The following NEB variants were observed in gnomAD, a reference collection of about 807,000 sequenced individuals.
The protein encoded by NEB is nemaline myopathy type 2.
A neutral mutation model predicts 952.2 loss-of-function variants in NEB; 512 were observed. That is an observed-to-expected ratio of 0.54 (90% CI 0.50 to 0.58). The LOEUF is 0.58. NEB is among the 20% of genes least tolerant of loss of function. The probability of loss-of-function intolerance (pLI) is 0.00; values close to 1 mark genes in which losing one functional copy is unlikely to be tolerated. For missense variants in NEB, 8,428 were observed against 9,231.1 expected (o/e 0.91, Z 3.56); for synonymous variants, 2,900 against 3,149.8 (o/e 0.92, Z 2.66).
chr2:151,538,380 A>G, intron 138 of NEB, 136 bp from the exon 139 acceptor site: 1 of 637,826 alleles, frequency 1.6e-6, no homozygotes, highest in Non-Finnish European at 2.7e-6. Flanking sequence ...AGCTTATTTC[A>G]GACCCTAGAA....
chr2:151,727,637 A>G lies in NEB; in HGVS notation c.294+54T>C, dbSNP rs2099795252. Reference sequence around the variant, plus strand: ...AGCATCCAAAACAGAGTGAGTTGAGATAAGTAATTTCTTAATAATCAAGCC... The same window carrying G: ...AGCATCCAAAACAGAGTGAGTTGAGGTAAGTAATTTCTTAATAATCAAGCC... On this transcript the variant is annotated intron_variant, in intron 5 of 181. Transcript: ENST00000397345. The G allele has an allele frequency of 1.6e-5, 25 of 1,524,118 alleles. No individual in the cohort carries two copies. In the South Asian group the frequency reaches 2.7e-4, roughly 16 times the overall value. 94.4% of individuals were successfully genotyped at this position (1,524,118 alleles called of 1,614,324 possible).
intron 67 of NEB, 42 bp from the exon 68 acceptor site, chr2:151,629,688 A>G (rs2098619005): frequency 1.3e-6 from 2 of 1,505,702 alleles, no homozygotes; most frequent in Non-Finnish European, 1.8e-6. Flanking sequence ...AAGGTTTGAC[A>G]TCAACAATTC....
chr2:151,669,150 G>T lies in NEB; in HGVS notation c.4507-19C>A. 1 of 1,446,358 alleles carries T rather than the reference G, an allele frequency of 6.9e-7. No individual in the cohort carries two copies. Among genetic ancestry groups the T allele is most frequent in the Non-Finnish European group, 9.6e-7 (1 of 1,046,532 alleles). 89.6% of individuals were successfully genotyped at this position (1,446,358 alleles called of 1,614,324 possible). A position where few individuals can be genotyped will look rare whatever the true frequency, so the allele number is the denominator to read the frequency against. On this transcript the variant is annotated intron_variant, in intron 38 of 181. Coordinates refer to ENST00000397345, the MANE Select transcript of NEB (RefSeq NM_001164508.2). ...AGTTCAACTAAAAACAAAGGAGACA[G>T]CATGCACATATCATTAGCTGACATA...
Position 151,502,782 on chromosome 2 carries a change from C to A in NEB, c.23928+11G>T. On this transcript the variant is annotated intron_variant, in intron 167 of 181. Transcript: ENST00000397345. ...AAGGGATTTTTTTTTTTTTGGCCCC[C>A]TAAGAAATACCGAGCTAAAGTTCTC... 1 of 1,538,514 alleles carries A rather than the reference C, an allele frequency of 6.5e-7. No homozygotes were observed. Among genetic ancestry groups the A allele is most frequent in the Non-Finnish European group, 9.0e-7 (1 of 1,116,164 alleles).
At chr2:151,634,060 A>C in intron 64 of NEB, 95 bp from the exon 65 acceptor site, 2 of 1,368,306 alleles carry the variant, frequency 1.5e-6, no homozygotes, top group East Asian at 2.3e-5. Flanking sequence ...ACTTCAACTG[A>C]CTTTTGTTAA....
chr2:151,620,676 A>C (rs1439206389), intron 72 of NEB, among the ~76,000 whole-genome samples: 4 of 152,048 alleles, frequency 2.6e-5, no homozygotes, highest in Non-Finnish European at 5.9e-5. Flanking sequence ...ATCTAGCTTT[A>C]ATCGAGGCAC....
intron 3 of NEB, among the ~76,000 whole-genome samples, 195 bp from the exon 4 acceptor site, chr2:151,729,851 A>C (rs2099801516): frequency 6.6e-6 from 1 of 152,232 alleles, no homozygotes; most frequent in Non-Finnish European, 1.5e-5. Context: ...AGCTAAAGTG[A>C]ATGCCATCCA....
chr2:151,667,947 TC>T (rs1239104828), intron 39 of NEB, 36 bp from the exon 40 acceptor site: 2 of 1,526,942 alleles, frequency 1.3e-6, no homozygotes, highest in Admixed American at 3.5e-5. Flanking sequence ...TTATTTGACA[TC>T]ATTAAAAGAG....
intron 5 of NEB, among the ~76,000 whole-genome samples, chr2:151,725,775 T>G (rs2099788739): frequency 6.6e-6 from 1 of 152,218 alleles, no homozygotes; most frequent in Non-Finnish European, 1.5e-5. Context: ...ACAATGCAAA[T>G]TTATTATAGA....
At chr2:151,576,099 T>C in intron 106 of NEB, 52 bp downstream of exon 106, 1 of 1,335,130 alleles carries the variant, frequency 7.5e-7, no homozygotes. Context: ...GTTTATTCTT[T>C]CTCATCTATT....
intron 76 of NEB, among the ~76,000 whole-genome samples, chr2:151,615,575 GAATA>G (rs2098165110): frequency 6.6e-6 from 1 of 152,182 alleles, no homozygotes; most frequent in South Asian, 2.1e-4. Context: ...TTTAATGCAA[GAATA>G]AATAGAAGTA....
chr2:151,493,621 C>T (rs541272208), intron 175 of NEB, among the ~76,000 whole-genome samples, 154 bp downstream of exon 175: 1 of 152,216 alleles, frequency 6.6e-6, no homozygotes, highest in South Asian at 2.1e-4. Context: ...ATCACTGTGA[C>T]CTCGTGGGGT....
At chr2:151,561,620 CT>C (rs2096068889) in intron 121 of NEB, among the ~76,000 whole-genome samples, 1 of 137,110 alleles carries the variant, frequency 7.3e-6, no homozygotes, top group African/African-American at 2.8e-5. Context: ...TATTATTATA[CT>C]TTAAGTTTTA....
chr2:151,724,288 G>T lies in NEB; in HGVS notation c.584C>A (p.Ala195Asp), dbSNP rs2099784065. 2 of 1,612,966 alleles carry T rather than the reference G, an allele frequency of 1.2e-6. No individual in the cohort carries two copies. Among genetic ancestry groups the T allele is most frequent in the African/African-American group, 2.7e-5 (2 of 74,878 alleles). Residue 195 changes from alanine (A) to aspartate (D), a missense_variant, in exon 8 of 182, where the codon GCC (alanine) becomes GAC (aspartate). Ala to Asp is a moderately radical substitution (Grantham distance 126). Around this residue, in one of 11 missense-constraint regions of NEB, gnomAD observed 2,851 missense variants for 2,791.5 expected, o/e 1.02. Transcript: ENST00000397345. ...LPPDAPELVQAVKNTAMFSKK... is the reference protein window; with the variant it reads ...LPPDAPELVQDVKNTAMFSKK... ...GCTGAACATGGCGGTGTTCTTAACG[G>T]CCTGGACAAGTTCAGGGGCATCAGG...
intron 144 of NEB, 74 bp from the exon 145 acceptor site, chr2:151,531,175 T>A (rs2090513165): frequency 1.0e-6 from 1 of 1,001,446 alleles, no homozygotes; most frequent in Non-Finnish European, 1.5e-6. Context: ...AATGCAAAGT[T>A]TTTTCCTGAG....
chr2:151,663,860 C>T lies in NEB; in HGVS notation c.5452-1G>A, dbSNP rs2154172894. On this transcript the variant is annotated splice_acceptor_variant, in intron 44 of 181. Coordinates refer to ENST00000397345, the MANE Select transcript of NEB (RefSeq NM_001164508.2). LOFTEE classifies it high-confidence loss of function. Reference sequence around the variant, plus strand: ...GTTCATAGGCTTTCTTGTATTTGTACTGTGGACAGAGAAGAAATTATGGTG... The same window carrying T: ...GTTCATAGGCTTTCTTGTATTTGTATTGTGGACAGAGAAGAAATTATGGTG... 1 of 1,610,684 alleles carries T rather than the reference C, an allele frequency of 6.2e-7. No individual in the cohort carries two copies. Among genetic ancestry groups the T allele is most frequent in the Middle Eastern group, 1.7e-4 (1 of 6,040 alleles).
At position 151,610,106 on chromosome 2, in the gene NEB, T is replaced by C; in HGVS notation, c.12033A>G (p.Glu4011=). Residue 4011 remains glutamate (E), a synonymous_variant, in exon 81 of 182, where the codon GAA becomes GAG. Transcript: ENST00000397345. ...GGTGGCCTTTCTGTTTCTCATAGGCTTCCTTGTATTTGTACTAAAATGCCA... is the reference window on the plus strand; with the variant it reads ...GGTGGCCTTTCTGTTTCTCATAGGCCTCCTTGTATTTGTACTAAAATGCCA... ...RDIASDYKYK[E]AYEKQKGHHI... 1 of 1,608,616 alleles carries C rather than the reference T, an allele frequency of 6.2e-7. No homozygotes were observed. Among genetic ancestry groups the C allele is most frequent in the Non-Finnish European group, 8.5e-7 (1 of 1,177,436 alleles).
Position 151,630,698 on chromosome 2 carries a change from C to T in NEB, c.9723+17G>A, listed in dbSNP as rs2098650050. On this transcript the variant is annotated intron_variant, in intron 67 of 181. Transcript: ENST00000397345. ...ACACCACCACCACAATATAGCACCACAGATTTTTGCTCCTACCTCACTGTA... is the reference window on the plus strand; with the variant it reads ...ACACCACCACCACAATATAGCACCATAGATTTTTGCTCCTACCTCACTGTA... 6.4e-6 allele frequency: 10 copies of T among 1,571,204 alleles called. No individual in the cohort carries two copies. Among genetic ancestry groups the T allele is most frequent in the Non-Finnish European group, 7.0e-6 (8 of 1,149,300 alleles).
In NEB at chr2:151,633,740, A is replaced by G; in HGVS notation, c.9328T>C (p.Tyr3110His). 6.2e-7 allele frequency: 1 copy of G among 1,613,974 alleles called. No homozygotes were observed. Among genetic ancestry groups the G allele is most frequent in the Non-Finnish European group, 8.5e-7 (1 of 1,179,884 alleles). ...GTCCACTCGTGCAGGTAGTTCTTAT[A>G]GTCCACGTCACTGACTAAGGTCTGG... ...KCQTLVSDVD[Y>H]KNYLHEWTCL... The change falls in exon 65 of 182, where the codon TAT becomes CAT. Residue 3110 changes from tyrosine to histidine, a missense_variant. Around this residue, in one of 11 missense-constraint regions of NEB, gnomAD observed 1,772 missense variants for 1,960.3 expected, o/e 0.90. Transcript: ENST00000397345.
Sources: gnomAD v4.1 joint callset for allele counts (sites outside exome capture counted in the v4.1 genomes callset) on GRCh38, gnomAD v4.1.1 for gene constraint, gnomAD v4.1.1 regional missense constraint, MANE v1.5 for transcripts, NCBI Gene and HGNC (gene_info 2026-07-23, HGNC 2026-07-21) for gene names.